The following BCAR1 variants were observed in gnomAD, a reference collection of about 807,000 sequenced individuals.
BCAR1 encodes breast cancer anti-estrogen resistance protein 1.
BCAR1 carries 30 observed loss-of-function variants against 67.6 expected under a neutral mutation model. The ratio of observed to expected loss-of-function variants is 0.44; its 90% CI spans 0.33 to 0.60. BCAR1 has a LOEUF of 0.60. Ranked by LOEUF, BCAR1 falls within the 20% of genes least tolerant of loss-of-function variation. BCAR1 has a pLI of 0.02. For missense variants in BCAR1, 1,313 were observed against 1,222.3 expected, an observed-to-expected ratio of 1.07 and a Z score of -1.11; for synonymous variants, 626 against 556.7, an observed-to-expected ratio of 1.12 and a Z score of -1.75.
chr16:75,242,828 G>A lies in BCAR1; in HGVS notation c.275C>T (p.Pro92Leu), dbSNP rs2077395193. The A allele has an allele frequency of 1.2e-6, 2 of 1,606,578 alleles. No homozygotes were observed. Among genetic ancestry groups the A allele is most frequent in the Admixed American group, 3.4e-5 (2 of 59,650 alleles). Residue 92 changes from proline to leucine, a missense_variant, in exon 2 of 7, where the codon CCA becomes CTA. Pro to Leu is a moderately conservative substitution (Grantham distance 98, BLOSUM62 -3). This residue lies in a region of BCAR1 where 1,272 missense variants were observed against 1,137.5 expected (regional missense o/e 1.12). Coordinates refer to ENST00000162330, the MANE Select transcript of BCAR1 (RefSeq NM_014567.5). ...CGTGTACTGGGAGGCCGGAGGCGCT[G>A]GGGCATGGAGGCCAGGCTGAGGCTG... ...PAQPQPGLHA[P>L]APPASQYTPM...
chr16:75,233,701 A>AG, intron 6 of BCAR1, 145 bp downstream of exon 6: 1 of 707,892 alleles, frequency 1.4e-6, no homozygotes, highest in Non-Finnish European at 2.3e-6. Flanking sequence ...GTCAGGAGGC[A>AG]GGGGGGTGGC....
chr16:75,249,005 G>A (rs1182692290), intron 1 of BCAR1: 1 of 152,414 alleles, frequency 6.6e-6, no homozygotes, highest in Non-Finnish European at 1.5e-5. Context: ...GGGCATCCCA[G>A]GCACTGTCCC....
rs142603608 is a variant in BCAR1, at chr16:75,233,878, G to A, written c.2068C>T (p.Arg690Trp). 49 of 1,609,934 alleles carry A rather than the reference G, an allele frequency of 3.0e-5. No individual in the cohort carries two copies. The highest frequency in any genetic ancestry group is 8.4e-5 in the Admixed American group (5 of 59,456). ...AACTCCAGCTGGCTCTTGCCCTGCC[G>A]CGTGATGCTGCCCTTTTCCAGCAGC... ...KELLEKGSIT[R>W]QGKSQLELQQ... The change falls in exon 6 of 7, where the codon CGG (arginine) becomes TGG (tryptophan). Residue 690 changes from arginine (R) to tryptophan (W), a missense_variant. By Grantham distance (101) the Arg-to-Trp change is moderately radical (BLOSUM62 -3). Around this residue, in one of 2 missense-constraint regions of BCAR1, gnomAD observed 1,272 missense variants for 1,137.5 expected, o/e 1.12. Coordinates refer to ENST00000162330, the MANE Select transcript of BCAR1 (RefSeq NM_014567.5).
chr16:75,241,016 G>A (rs2077320876), intron 2 of BCAR1, among the ~76,000 whole-genome samples: 1 of 152,288 alleles, frequency 6.6e-6, no homozygotes, highest in Admixed American at 6.5e-5. Flanking sequence ...CGGGAGAGGA[G>A]GGGTGGGGAT....
intron 1 of BCAR1, among the ~76,000 whole-genome samples, chr16:75,256,964 C>A (rs183800392): frequency 6.6e-6 from 1 of 152,188 alleles, no homozygotes; most frequent in Admixed American, 6.5e-5. Flanking sequence ...ACCAGGTCCT[C>A]CTCCTGAATC....
intron 2 of BCAR1, among the ~76,000 whole-genome samples, chr16:75,241,440 T>C (rs1423081672): frequency 1.3e-5 from 2 of 152,096 alleles, no homozygotes; most frequent in African/African-American, 4.8e-5. Flanking sequence ...TACAGGACAC[T>C]GCTCCCTGCC....
chr16:75,240,698 A>G (rs1355051670), intron 2 of BCAR1, among the ~76,000 whole-genome samples: 2 of 152,190 alleles, frequency 1.3e-5, no homozygotes, highest in African/African-American at 4.8e-5. Flanking sequence ...AGCAGACACA[A>G]TCAAGACTGG....
intron 6 of BCAR1, among the ~76,000 whole-genome samples, chr16:75,231,911 C>A (rs749191861): frequency 6.6e-6 from 1 of 152,200 alleles, no homozygotes; most frequent in Non-Finnish European, 1.5e-5. Context: ...GACGGAGTTT[C>A]GCTCTTGTTG....
At chr16:75,230,753 G>A (rs905345031) in intron 6 of BCAR1, among the ~76,000 whole-genome samples, 3 of 152,206 alleles carry the variant, frequency 2.0e-5, no homozygotes, top group South Asian at 4.1e-4. Context: ...AAGCCACAAT[G>A]AGCAAAACCA....
chr16:75,240,599 C>T (rs1428303385), intron 2 of BCAR1, among the ~76,000 whole-genome samples: 1 of 152,194 alleles, frequency 6.6e-6, no homozygotes, highest in African/African-American at 2.4e-5. Flanking sequence ...CAGTGATTAC[C>T]GCGATTGGAA....
At chr16:75,241,305 C>A (rs940793264) in intron 2 of BCAR1, among the ~76,000 whole-genome samples, 17 of 152,070 alleles carry the variant, frequency 1.1e-4, no homozygotes, top group African/African-American at 4.1e-4. Flanking sequence ...ATTCATGTAG[C>A]GCATGTGTGT....
chr16:75,252,405 G>A (rs2077700569), upstream of BCAR1: 25 of 1,462,490 alleles, frequency 1.7e-5, no homozygotes, highest in East Asian at 2.0e-4. Context: ...GGCACTGGGG[G>A]AATGAGGGAG....
chr16:75,255,624 G>C (rs1012725718), upstream of BCAR1, among the ~76,000 whole-genome samples: 1 of 151,848 alleles, frequency 6.6e-6, no homozygotes, highest in African/African-American at 2.4e-5. Flanking sequence ...TGAACCAGGA[G>C]GTGAAGCAGT....
intron 1 of BCAR1, among the ~76,000 whole-genome samples, chr16:75,243,835 G>A (rs947284134): frequency 1.3e-5 from 2 of 152,224 alleles, no homozygotes; most frequent in African/African-American, 2.4e-5. Flanking sequence ...AGCCCAGGCA[G>A]GGAGGCCTCG....
intron 4 of BCAR1, 170 bp from the exon 5 acceptor site, chr16:75,236,156 GCA>G (rs1016147043): frequency 3.6e-5 from 27 of 753,388 alleles, no homozygotes; most frequent in African/African-American, 1.8e-4. Flanking sequence ...ACGCACACAG[GCA>G]CACACACGCG....
At chr16:75,264,109 T>A in intron 1 of BCAR1, 1 of 1,264,746 alleles carries the variant, frequency 7.9e-7, no homozygotes, top group Non-Finnish European at 9.9e-7. Flanking sequence ...ACAGTGCCTA[T>A]CTGTCCAAGT....
intron 1 of BCAR1, chr16:75,266,714 C>A (rs1190914254): frequency 2.1e-6 from 3 of 1,411,192 alleles, no homozygotes; most frequent in Non-Finnish European, 2.8e-6. Flanking sequence ...GATCCCTCAC[C>A]CACTCAAAGG....
At chr16:75,244,354 C>T (rs1328657203) in intron 1 of BCAR1, among the ~76,000 whole-genome samples, 1 of 152,244 alleles carries the variant, frequency 6.6e-6, no homozygotes. Flanking sequence ...GAAAGGGCCA[C>T]GCCCCCTTGG....
chr16:75,252,290 G>T (rs1567619249), upstream of BCAR1: 3 of 1,536,668 alleles, frequency 2.0e-6, no homozygotes, highest in Non-Finnish European at 2.6e-6. Context: ...CAGCTGATCT[G>T]CCTCCTCTCA....
Sources: allele counts gnomAD v4.1 joint callset (sites outside exome capture counted in the v4.1 genomes callset), GRCh38; gene constraint gnomAD v4.1.1; regional missense constraint gnomAD v4.1.1; transcripts MANE v1.5; gene names NCBI Gene and HGNC (gene_info 2026-07-23, HGNC 2026-07-21).